Variants in SOS1 observed in about 807,000 individuals in gnomAD.
The protein encoded by SOS1 is son of sevenless homolog 1.
In SOS1, 25 loss-of-function variants were observed where a neutral mutation model predicts 157.6. The observed-to-expected ratio is 0.16, with a 90% CI of 0.12 to 0.22. SOS1 has a LOEUF of 0.22. Ranked by LOEUF, SOS1 falls within the 10% of genes least tolerant of loss-of-function variation. The pLI is 1.00. For missense variants in SOS1, 1,237 were observed against 1,599.1 expected, an observed-to-expected ratio of 0.77 and a Z score of 3.86; for synonymous variants, 528 against 534.0, an observed-to-expected ratio of 0.99 and a Z score of 0.16.
At chr2:39,069,448 C>G (rs530140468) in intron 1 of SOS1, among the ~76,000 whole-genome samples, 1 of 152,080 alleles carries the variant, frequency 6.6e-6, no homozygotes, top group South Asian at 2.1e-4. Flanking sequence ...TATATACATA[C>G]GTATGCATTC....
chr2:38,987,013 G>A (rs556208576), intron 22 of SOS1, among the ~76,000 whole-genome samples: 1 of 149,536 alleles, frequency 6.7e-6, no homozygotes, highest in Non-Finnish European at 1.5e-5. Context: ...GCTATTTTGA[G>A]CCTTTGGGGT....
At chr2:39,045,103 T>G (rs1007552361) in intron 6 of SOS1, among the ~76,000 whole-genome samples, 2 of 152,230 alleles carry the variant, frequency 1.3e-5, no homozygotes, top group African/African-American at 4.8e-5. Flanking sequence ...TATTGTAATG[T>G]GCTCAACATT....
intron 1 of SOS1, among the ~76,000 whole-genome samples, chr2:39,089,467 G>A (rs1479284541): frequency 7.3e-5 from 11 of 150,650 alleles, no homozygotes; most frequent in Admixed American, 2.0e-4. Context: ...GGGAGGTGGA[G>A]GTTGCAGTGA....
chr2:38,998,334 C>A (rs1045581769), intron 17 of SOS1, among the ~76,000 whole-genome samples: 2 of 152,110 alleles, frequency 1.3e-5, no homozygotes, highest in African/African-American at 2.4e-5. Context: ...ACTGCAACCT[C>A]CTCTTCCTGG....
Position 39,088,550 on chromosome 2 carries a change from T to C in SOS1, c.88-20797A>G, listed in dbSNP as rs1194731181. Among the ~76,000 whole-genome samples, 5 of 152,328 alleles carry C rather than the reference T, an allele frequency of 3.3e-5. No individual in the cohort carries two copies. In the East Asian group the frequency reaches 9.7e-4, roughly 29 times the overall value. ...TCTGTCTCTATGAATTGAACTATTC[T>C]AGGTATCTCAGAAGTGAAATCATAT... On this transcript the variant is annotated intron_variant, in intron 1 of 22. Transcript: ENST00000402219.
chr2:39,024,451 A>G (rs904349819), intron 8 of SOS1, among the ~76,000 whole-genome samples: 27 of 151,870 alleles, frequency 1.8e-4, no homozygotes, highest in African/African-American at 6.0e-4. Flanking sequence ...GAATTATCAT[A>G]GAGTTAGCAT....
At chr2:39,001,894 C>G (rs1395824793) in intron 17 of SOS1, among the ~76,000 whole-genome samples, 3 of 152,160 alleles carry the variant, frequency 2.0e-5, no homozygotes, top group South Asian at 2.1e-4. Flanking sequence ...TGGGCTGCAC[C>G]TATTAAACTT....
chr2:39,049,975 A>G (rs1283095849), intron 6 of SOS1, among the ~76,000 whole-genome samples: 1 of 152,198 alleles, frequency 6.6e-6, no homozygotes, highest in East Asian at 1.9e-4. Context: ...CTGAACACCC[A>G]GATACCAGAG....
upstream of SOS1, among the ~76,000 whole-genome samples, chr2:39,121,906 A>AT (rs1186094399): frequency 6.6e-6 from 1 of 152,268 alleles, no homozygotes. Context: ...ATTAATTATC[A>AT]TTTTTTTGAG....
At chr2:39,000,678 A>G (rs1669064669) in intron 17 of SOS1, among the ~76,000 whole-genome samples, 1 of 152,196 alleles carries the variant, frequency 6.6e-6, no homozygotes, top group African/African-American at 2.4e-5. Flanking sequence ...CTTTTCTACA[A>G]TACAGTGTTA....
At chr2:39,087,659 T>C (rs1251450573) in intron 1 of SOS1, among the ~76,000 whole-genome samples, 15 of 152,196 alleles carry the variant, frequency 9.9e-5, no homozygotes, top group Admixed American at 9.8e-4. Context: ...TGAGATCACA[T>C]ATCAGAAAGT....
chr2:39,006,953 A>G, intron 16 of SOS1, 78 bp downstream of exon 16: 2 of 940,234 alleles, frequency 2.1e-6, no homozygotes, highest in Non-Finnish European at 1.7e-6. Flanking sequence ...TTTAAAAATT[A>G]AAGATAATAA....
intron 22 of SOS1, 148 bp downstream of exon 22, chr2:38,987,325 C>A: frequency 1.5e-6 from 1 of 655,062 alleles, no homozygotes; most frequent in Middle Eastern, 4.0e-4. Flanking sequence ...TTACTGCATG[C>A]TAAATCTATA....
chr2:39,055,529 G>A (rs763745665), intron 4 of SOS1, among the ~76,000 whole-genome samples: 3 of 151,928 alleles, frequency 2.0e-5, no homozygotes, highest in South Asian at 4.1e-4. Flanking sequence ...CAAGTATTTC[G>A]TATTCGTGTC....
chr2:39,040,307 G>C (rs998138754), intron 6 of SOS1, among the ~76,000 whole-genome samples: 5 of 152,080 alleles, frequency 3.3e-5, no homozygotes, highest in Non-Finnish European at 1.5e-5. Flanking sequence ...ATGAGCCACT[G>C]TGCCCGGCCT....
At chr2:39,064,588 C>T (rs1449456102) in intron 2 of SOS1, among the ~76,000 whole-genome samples, 5 of 152,020 alleles carry the variant, frequency 3.3e-5, no homozygotes, top group Non-Finnish European at 2.9e-5. Flanking sequence ...CTTATTCCTC[C>T]CAACTGTAAA....
intron 16 of SOS1, 21 bp from the exon 17 acceptor site, chr2:39,006,550 C>T (rs771786598): frequency 5.0e-6 from 6 of 1,204,202 alleles, no homozygotes; most frequent in East Asian, 2.3e-5. Flanking sequence ...AAAAAATAGG[C>T]GTAAGTTTAC....
At chr2:39,121,211 C>G (rs1673882171), upstream of SOS1, among the ~76,000 whole-genome samples, 1 of 152,062 alleles carries the variant, frequency 6.6e-6, no homozygotes, top group Admixed American at 6.5e-5. Flanking sequence ...CGAAGGGGCC[C>G]GAGAAGTCGC....
intron 6 of SOS1, among the ~76,000 whole-genome samples, chr2:39,040,511 G>C (rs1190703886): frequency 6.6e-6 from 1 of 152,036 alleles, no homozygotes; most frequent in East Asian, 1.9e-4. Context: ...GTAACCCTTG[G>C]TAACTTCTAT....
Sources: allele counts gnomAD v4.1 joint callset (sites outside exome capture counted in the v4.1 genomes callset), GRCh38; gene constraint gnomAD v4.1.1; transcripts MANE v1.5; gene names NCBI Gene and HGNC (gene_info 2026-07-23, HGNC 2026-07-21).